The following GPRIN3 variants were observed in gnomAD, a reference collection of about 807,000 sequenced individuals.
The protein encoded by GPRIN3 is G protein-regulated inducer of neurite outgrowth 3.
A neutral mutation model predicts 13.7 loss-of-function variants in GPRIN3; 12 were observed. The ratio of observed to expected loss-of-function variants is 0.87; its 90% CI spans 0.56 to 1.42. The LOEUF (loss-of-function observed/expected upper bound fraction) is 1.42. Among genes scored for constraint, GPRIN3 ranks in the 40% most tolerant of loss-of-function variants. The pLI is 0.00. For synonymous variants in GPRIN3, 377 were observed against 372.7 expected (o/e 1.01, Z -0.13); for missense variants, 1,009 against 958.7 (o/e 1.05, Z -0.69).
chr4:89,291,713 T>C (rs2110015388), intron 1 of GPRIN3, among the ~76,000 whole-genome samples: 1 of 152,282 alleles, frequency 6.6e-6, no homozygotes, highest in East Asian at 1.9e-4. Flanking sequence ...CATTTAACTT[T>C]ATAAGAAACT....
Position 89,248,775 on chromosome 4 carries a change from C to A in GPRIN3, c.1336G>T (p.Val446Leu), listed in dbSNP as rs1230589639. The change falls in exon 2 of 2, where the codon GTG (valine) becomes TTG (leucine). Residue 446 changes from valine (V) to leucine (L), a missense_variant. By Grantham distance (32) the Val-to-Leu change is conservative. Transcript: ENST00000609438. ...TTTTTAGCAGTTGACTCTTCCCTCA[C>A]TGGAGTCATTCCTGCTAACCTCCCA... ...EDGRLAGMTP[V>L]REESTAKKLA... 1 of 1,614,046 alleles carries A rather than the reference C, an allele frequency of 6.2e-7. No homozygotes were observed. The highest frequency in any genetic ancestry group is 1.3e-5 in the African/African-American group (1 of 74,940).
chr4:89,297,089 A>C (rs1364611731), intron 1 of GPRIN3, among the ~76,000 whole-genome samples: 1 of 152,170 alleles, frequency 6.6e-6, no homozygotes, highest in Admixed American at 6.5e-5. Context: ...CAGCTCCATT[A>C]CCATCTGTGG....
chr4:89,294,361 A>T (rs1724672574), intron 1 of GPRIN3, among the ~76,000 whole-genome samples: 2 of 152,208 alleles, frequency 1.3e-5, no homozygotes, highest in South Asian at 4.1e-4. Flanking sequence ...AGCCTGGGTG[A>T]CAAAATGAGA....
intron 1 of GPRIN3, among the ~76,000 whole-genome samples, chr4:89,259,445 C>T (rs1394326018): frequency 6.6e-6 from 1 of 152,190 alleles, no homozygotes; most frequent in East Asian, 1.9e-4. Context: ...GCAACAGGAT[C>T]TCAGGGCTAA....
At position 89,243,985 on chromosome 4, in the gene GPRIN3, GA is replaced by G. The variant is rs1723018458; in HGVS notation, c.*3794del. The G allele has an allele frequency of 6.6e-6, 1 of 152,204 alleles. No homozygotes were observed. Among genetic ancestry groups the G allele is most frequent in the African/African-American group, 2.4e-5 (1 of 41,456 alleles). The allele number at this position is 152,204 out of a possible 1,614,324, so 9.4% of individuals were successfully genotyped here. On this transcript the variant is annotated 3_prime_UTR_variant, in exon 2 of 2. Transcript: ENST00000609438. ...GCAAAACAGTAACAAAGTGGATGCA[GA>G]AAAGGACAAACAATTTATATTAACA...
In GPRIN3 at chr4:89,238,242, T is replaced by C. The variant is rs932784498; in HGVS notation, c.*9538A>G. 1 of 152,184 alleles carries C rather than the reference T, an allele frequency of 6.6e-6. No homozygotes were observed. The highest frequency in any genetic ancestry group is 1.9e-4 in the East Asian group (1 of 5,192). 9.4% of individuals were successfully genotyped at this position (152,184 alleles called of 1,614,324 possible). On this transcript the variant is annotated 3_prime_UTR_variant, in exon 2 of 2. Transcript: ENST00000609438. Reference sequence around the variant, plus strand: ...TTTGAGATTTGGGTTTCATATATCTTGTACCTCTCCTTCTTTACAGATCCT... The same window carrying C: ...TTTGAGATTTGGGTTTCATATATCTCGTACCTCTCCTTCTTTACAGATCCT...
At chr4:89,300,268 A>G (rs1487120388) in intron 1 of GPRIN3, among the ~76,000 whole-genome samples, 2 of 152,124 alleles carry the variant, frequency 1.3e-5, no homozygotes, top group African/African-American at 2.4e-5. Context: ...TACAGACTCA[A>G]TACCTACAGG....
intron 1 of GPRIN3, among the ~76,000 whole-genome samples, chr4:89,265,140 A>C (rs775189953): frequency 1.3e-5 from 2 of 152,190 alleles, no homozygotes; most frequent in Non-Finnish European, 2.9e-5. Flanking sequence ...GTAATCATAC[A>C]TCCTGGGTGT....
chr4:89,298,892 T>A (rs1169043950), intron 1 of GPRIN3, among the ~76,000 whole-genome samples: 1 of 151,944 alleles, frequency 6.6e-6, no homozygotes, highest in Non-Finnish European at 1.5e-5. Context: ...TTATTAACTT[T>A]TCCCCTCCCT....
chr4:89,240,615 A>C lies in GPRIN3; in HGVS notation c.*7165T>G, dbSNP rs1347331017. On this transcript the variant is annotated 3_prime_UTR_variant, in exon 2 of 2. Coordinates refer to ENST00000609438, the MANE Select transcript of GPRIN3 (RefSeq NM_198281.3). ...ATATGAAATTAGGTGCTTAAAGAGA[A>C]GCATTAATTCCCTGTAGCTACTCAG... 6.6e-6 allele frequency: 1 copy of C among 152,222 alleles called. No homozygotes were observed. Among genetic ancestry groups the C allele is most frequent in the African/African-American group, 2.4e-5 (1 of 41,458 alleles). The allele number at this position is 152,222 out of a possible 1,614,324, so 9.4% of individuals were successfully genotyped here.
intron 1 of GPRIN3, among the ~76,000 whole-genome samples, chr4:89,252,243 G>C (rs186536940): frequency 1.1e-3 from 160 of 152,226 alleles, no homozygotes; most frequent in Admixed American, 4.7e-3. Context: ...AAAGTGCTAG[G>C]ATTATAGGTA....
rs553398162 is a variant in GPRIN3, at chr4:89,268,167, G to C, written c.-123-17934C>G. Among the ~76,000 whole-genome samples, 3 of 152,288 alleles carry C rather than the reference G, an allele frequency of 2.0e-5. 1 individual carries two copies. Among genetic ancestry groups the C allele is most frequent in the African/African-American group, 7.2e-5 (3 of 41,550 alleles). The stretch of plus-strand genomic sequence containing the variant: ...AATTAGAAAACTTAAAAAAGAAGTA[G>C]TTTTAAAGTTGCTCTGATTAGCAGG... On this transcript the variant is annotated intron_variant, in intron 1 of 1. Transcript: ENST00000609438.
Position 89,243,707 on chromosome 4 carries a change from C to T in GPRIN3, c.*4073G>A, listed in dbSNP as rs565695547. Reference sequence around the variant, plus strand: ...AGGAGAGAGTAAACAGCATCATCTCCATGGCAGCATTACAGATAATTAGTA... The same window carrying T: ...AGGAGAGAGTAAACAGCATCATCTCTATGGCAGCATTACAGATAATTAGTA... On this transcript the variant is annotated 3_prime_UTR_variant, in exon 2 of 2. Transcript: ENST00000609438. 2.6e-5 allele frequency: 4 copies of T among 152,316 alleles called. No individual in the cohort carries two copies. The highest frequency in any genetic ancestry group is 9.6e-5 in the African/African-American group (4 of 41,564). 9.4% of individuals were successfully genotyped at this position (152,316 alleles called of 1,614,324 possible).
intron 1 of GPRIN3, among the ~76,000 whole-genome samples, chr4:89,282,999 A>G (rs1724295335): frequency 6.6e-6 from 1 of 152,334 alleles, no homozygotes; most frequent in Non-Finnish European, 1.5e-5. Flanking sequence ...TGAAAGTGAT[A>G]AGAACACTAT....
At chr4:89,271,015 T>G (rs1373311687) in intron 1 of GPRIN3, among the ~76,000 whole-genome samples, 1 of 152,066 alleles carries the variant, frequency 6.6e-6, no homozygotes, top group Admixed American at 6.5e-5. Flanking sequence ...TTGAATACAA[T>G]GTGTCAGACT....
chr4:89,276,184 A>G (rs989114038), intron 1 of GPRIN3, among the ~76,000 whole-genome samples: 1 of 152,140 alleles, frequency 6.6e-6, no homozygotes, highest in Non-Finnish European at 1.5e-5. Flanking sequence ...TCTTTAACAG[A>G]TATTTATTTA....
At chr4:89,290,215 T>C (rs1014837145) in intron 1 of GPRIN3, among the ~76,000 whole-genome samples, 6 of 151,858 alleles carry the variant, frequency 4.0e-5, no homozygotes, top group African/African-American at 1.2e-4. Flanking sequence ...ACCCATCCTC[T>C]TGCGTAGGCC....
intron 1 of GPRIN3, among the ~76,000 whole-genome samples, chr4:89,298,748 G>A (rs903120064): frequency 6.6e-6 from 1 of 151,666 alleles, no homozygotes; most frequent in African/African-American, 2.4e-5. Context: ...CTTAAACCAG[G>A]GCCTTCTGCC....
intron 1 of GPRIN3, among the ~76,000 whole-genome samples, chr4:89,290,289 T>G (rs1189373323): frequency 6.6e-6 from 1 of 152,118 alleles, no homozygotes; most frequent in South Asian, 2.1e-4. Context: ...GTGTTTCAAA[T>G]ATGCTTGAAG....
Sources: gnomAD v4.1 joint callset for allele counts (sites outside exome capture counted in the v4.1 genomes callset) on GRCh38, gnomAD v4.1.1 for gene constraint, MANE v1.5 for transcripts, NCBI Gene and HGNC (gene_info 2026-07-23, HGNC 2026-07-21) for gene names.